Variants in ASTN1 observed in about 807,000 individuals in gnomAD.
ASTN1 encodes the protein astrotactin 1, also known as astrotactin-1.
ASTN1 carries 41 observed loss-of-function variants against 140.7 expected under a neutral mutation model. The observed-to-expected ratio is 0.29, with a 90% CI of 0.23 to 0.38. The LOEUF (loss-of-function observed/expected upper bound fraction) is 0.38, where lower values mean the gene tolerates loss of function less well. Among genes scored for constraint, ASTN1 ranks in the 10% least tolerant of loss-of-function variants. ASTN1 has a pLI of 1.00. For missense variants in ASTN1, 1,479 were observed against 1,678.8 expected, an observed-to-expected ratio of 0.88 and a Z score of 2.08; for synonymous variants, 640 against 652.2, an observed-to-expected ratio of 0.98 and a Z score of 0.29.
Position 176,882,856 on chromosome 1 carries a change from C to T in ASTN1, c.3362+3G>A. ...AGTCACTAGGTAGGTGTGTGTTACT[C>T]ACATGTAAATGGTGTCAGGTTCCAG... On this transcript the variant is annotated splice_donor_region_variant and intron_variant, in intron 20 of 22. Transcript: ENST00000361833. 6.2e-7 allele frequency: 1 copy of T among 1,614,068 alleles called. No individual in the cohort carries two copies. Among genetic ancestry groups the T allele is most frequent in the South Asian group, 1.1e-5 (1 of 91,078 alleles).
intron 8 of ASTN1, among the ~76,000 whole-genome samples, chr1:176,985,843 TCTAC>T (rs1303344819): frequency 1.5e-4 from 21 of 138,154 alleles, no homozygotes; most frequent in Non-Finnish European, 2.3e-4. Context: ...TCTCTCTCTC[TCTAC>T]ACACACACAC....
chr1:176,867,395 G>C (rs1329543418), intron 22 of ASTN1, among the ~76,000 whole-genome samples: 1 of 152,058 alleles, frequency 6.6e-6, no homozygotes, highest in Non-Finnish European at 1.5e-5. Flanking sequence ...AGGACAGTTA[G>C]AGAATGGAGT....
intron 8 of ASTN1, among the ~76,000 whole-genome samples, chr1:176,969,976 G>A (rs1414050912): frequency 6.6e-6 from 1 of 152,242 alleles, no homozygotes; most frequent in Non-Finnish European, 1.5e-5. Flanking sequence ...GGAGCCCATT[G>A]TAACGGATGC....
Position 176,861,091 on chromosome 1 carries a change from T to C in ASTN1, c.*3193A>G. 1.0e-6 allele frequency: 1 copy of C among 955,106 alleles called. No homozygotes were observed. Among genetic ancestry groups the C allele is most frequent in the Non-Finnish European group, 1.2e-6 (1 of 802,380 alleles). The allele number at this position is 955,106 out of a possible 1,614,324, so 59.2% of individuals were successfully genotyped here. On this transcript the variant is annotated 3_prime_UTR_variant, in exon 23 of 23. Transcript: ENST00000361833. Reference sequence around the variant, plus strand: ...ATGCTTACTAATAGCTTTGTTTTATTATTCAGTTAATTATTTCATCTTTTA... The same window carrying C: ...ATGCTTACTAATAGCTTTGTTTTATCATTCAGTTAATTATTTCATCTTTTA...
Position 176,863,130 on chromosome 1 carries a change from T to C in ASTN1, c.*1154A>G, listed in dbSNP as rs1668020567. ...AGATGTTAACTGCAATCAGTGGTGC[T>C]TCCCTACACAGAATCCCTGTGACTG... is the stretch of plus-strand genomic sequence containing the variant. On this transcript the variant is annotated 3_prime_UTR_variant, in exon 23 of 23. Transcript: ENST00000361833. 1 of 985,898 alleles carries C rather than the reference T, an allele frequency of 1.0e-6. No individual in the cohort carries two copies. The highest frequency in any genetic ancestry group is 1.7e-5 in the African/African-American group (1 of 57,382). The allele number at this position is 985,898 out of a possible 1,614,324, so 61.1% of individuals were successfully genotyped here.
At chr1:177,141,281 A>C (rs1231462343) in intron 1 of ASTN1, among the ~76,000 whole-genome samples, 1 of 152,116 alleles carries the variant, frequency 6.6e-6, no homozygotes, top group Non-Finnish European at 1.5e-5. Flanking sequence ...GTAGTACCTG[A>C]GCTAATAGAG....
chr1:177,033,108 T>C (rs1676530219), intron 2 of ASTN1, among the ~76,000 whole-genome samples: 1 of 144,062 alleles, frequency 6.9e-6, no homozygotes, highest in Non-Finnish European at 1.5e-5. Flanking sequence ...TAGCAAACAA[T>C]TTGAAGAAAC....
chr1:177,057,904 G>T (rs1177653530), intron 2 of ASTN1, among the ~76,000 whole-genome samples: 1 of 152,140 alleles, frequency 6.6e-6, no homozygotes, highest in Non-Finnish European at 1.5e-5. Flanking sequence ...AAAGGGTATG[G>T]TATAAAGTGT....
intron 8 of ASTN1, among the ~76,000 whole-genome samples, chr1:177,002,703 G>A (rs1238644258): frequency 6.6e-6 from 1 of 152,152 alleles, no homozygotes; most frequent in Non-Finnish European, 1.5e-5. Flanking sequence ...ATTATAGTAT[G>A]AGTGTTTGAA....
At chr1:177,153,654 T>A (rs1026237789) in intron 1 of ASTN1, among the ~76,000 whole-genome samples, 1 of 152,116 alleles carries the variant, frequency 6.6e-6, no homozygotes, top group Non-Finnish European at 1.5e-5. Flanking sequence ...AGACATAAGG[T>A]ACAGAAGTCA....
intron 22 of ASTN1, 94 bp from the exon 23 acceptor site, chr1:176,864,615 G>A: frequency 6.6e-7 from 1 of 1,522,652 alleles, no homozygotes; most frequent in South Asian, 1.3e-5. Flanking sequence ...AACTTCAAGA[G>A]GGAAGAGTGT....
At chr1:177,146,590 T>G (rs937731527) in intron 1 of ASTN1, among the ~76,000 whole-genome samples, 3 of 152,210 alleles carry the variant, frequency 2.0e-5, no homozygotes, top group Admixed American at 1.3e-4. Context: ...TCAAAAACCC[T>G]TACCCATTAA....
At chr1:176,903,558 A>G (rs896188443) in intron 16 of ASTN1, among the ~76,000 whole-genome samples, 2 of 152,136 alleles carry the variant, frequency 1.3e-5, no homozygotes, top group Admixed American at 6.5e-5. Context: ...TGTGTGCATT[A>G]TCTTATACCT....
chr1:177,161,445 T>C (rs138210077), intron 1 of ASTN1, among the ~76,000 whole-genome samples: 279 of 152,364 alleles, frequency 1.8e-3, no homozygotes, highest in African/African-American at 6.3e-3. Flanking sequence ...TTTGTGAGTG[T>C]TTTCTGTTTT....
chr1:177,028,531 G>A (rs919659264), intron 5 of ASTN1, among the ~76,000 whole-genome samples: 6 of 152,186 alleles, frequency 3.9e-5, no homozygotes, highest in African/African-American at 7.2e-5. Flanking sequence ...GTGGAGGTAC[G>A]AGAGAATAAA....
chr1:176,910,645 G>A (rs549133333), intron 16 of ASTN1, among the ~76,000 whole-genome samples: 1 of 152,188 alleles, frequency 6.6e-6, no homozygotes, highest in Non-Finnish European at 1.5e-5. Flanking sequence ...ACATCACAGA[G>A]TGTCTTCACA....
chr1:177,144,319 C>G (rs994916917), intron 1 of ASTN1, among the ~76,000 whole-genome samples: 7 of 150,782 alleles, frequency 4.6e-5, no homozygotes, highest in Non-Finnish European at 1.0e-4. Context: ...GTGGCGCGAT[C>G]TCGGCTCACT....
chr1:177,024,472 C>T, intron 6 of ASTN1, 111 bp downstream of exon 6: 1 of 1,368,348 alleles, frequency 7.3e-7, no homozygotes, highest in East Asian at 2.4e-5. Context: ...GTTTGGTTTT[C>T]CCCCGGTAGA....
In ASTN1 at chr1:176,882,887, G is replaced by A. The variant is rs199961480; in HGVS notation, c.3334C>T (p.Arg1112Ter). 3 of 1,614,042 alleles carry A rather than the reference G, an allele frequency of 1.9e-6. No individual in the cohort carries two copies. Among genetic ancestry groups the A allele is most frequent in the African/African-American group, 1.3e-5 (1 of 74,922 alleles). The change falls in exon 20 of 23, where the codon CGA becomes TGA. Residue 1112 changes from arginine to a stop codon, truncating the protein, a stop_gained. Transcript: ENST00000361833. LOFTEE classifies it high-confidence loss of function. ...TAAATGGTGTCAGGTTCCAGGCATC[G>A]TATGATCAGAGAGATGGTGGTGAGC... ...KQLTTISLII[R>*]CLEPDTIYMF...
Sources: allele counts gnomAD v4.1 joint callset (sites outside exome capture counted in the v4.1 genomes callset), GRCh38; gene constraint gnomAD v4.1.1; transcripts MANE v1.5; gene names NCBI Gene and HGNC (gene_info 2026-07-23, HGNC 2026-07-21).